DLL4: variants seen among roughly 807,000 people sequenced by gnomAD.
DLL4 encodes delta like canonical Notch ligand 4, also known as delta-like protein 4.
In DLL4, 7 loss-of-function variants were observed where a neutral mutation model predicts 73.6. The observed-to-expected ratio is 0.10, with a 90% CI of 0.05 to 0.18. DLL4 has a LOEUF of 0.18. Among genes scored for constraint, DLL4 ranks in the 10% least tolerant of loss-of-function variants. DLL4 has a pLI of 1.00. For synonymous variants in DLL4, 345 were observed against 374.3 expected (o/e 0.92, Z 0.90); for missense variants, 614 against 929.9 (o/e 0.66, Z 4.42).
Position 40,938,047 on chromosome 15 carries a change from C to A in DLL4, c.*13C>A. 6.4e-7 allele frequency: 1 copy of A among 1,569,706 alleles called. No homozygotes were observed. Among genetic ancestry groups the A allele is most frequent in the Non-Finnish European group, 8.6e-7 (1 of 1,160,366 alleles). On this transcript the variant is annotated 3_prime_UTR_variant, in exon 11 of 11. Coordinates refer to ENST00000249749, the MANE Select transcript of DLL4 (RefSeq NM_019074.4). ...CTCCCAGGTATAAGGCAGGAGCCTACCTGGACATCCCTGCTCAGCCCCGCG... is the reference window on the plus strand; with the variant it reads ...CTCCCAGGTATAAGGCAGGAGCCTAACTGGACATCCCTGCTCAGCCCCGCG...
In DLL4 at chr15:40,932,359, C is replaced by T. The variant is rs76686366; in HGVS notation, c.762C>T (p.Ile254=). 293 of 1,613,988 alleles carry T rather than the reference C, an allele frequency of 1.8e-4. No individual in the cohort carries two copies. In the African/African-American group the frequency reaches 3.6e-3, roughly 20 times the overall value. Residue 254 remains isoleucine (I), a synonymous_variant, in exon 6 of 11, where the codon ATC becomes ATT. Transcript: ENST00000249749. ...GWQGRLCNEC[I]PHNGCRHGTC... The stretch of plus-strand genomic sequence containing the variant: ...AGGGCCGGCTGTGTAACGAATGCAT[C>T]CCCCACAATGGCTGTCGCCACGGCA...
Position 40,934,065 on chromosome 15 carries a change from C to T in DLL4, c.851-483C>T, listed in dbSNP as rs560093735. Reference sequence around the variant, plus strand: ...AAGAAACATGATTTTAGGCTGGGTGCGATGGCCTGTAATCCCAGCACTTTG... The same window carrying T: ...AAGAAACATGATTTTAGGCTGGGTGTGATGGCCTGTAATCCCAGCACTTTG... On this transcript the variant is annotated intron_variant, in intron 6 of 10. Coordinates refer to ENST00000249749, the MANE Select transcript of DLL4 (RefSeq NM_019074.4). Among the ~76,000 whole-genome samples the T allele has an allele frequency of 2.8e-5, 4 of 143,994 alleles. No individual in the cohort carries two copies. The East Asian group carries it at 8.1e-4, about 29-fold the overall frequency. The allele number at this position is 143,994 out of a possible 152,430, so 94.5% of individuals were successfully genotyped here.
Position 40,930,837 on chromosome 15 carries a change from C to T in DLL4, c.394+155C>T, listed in dbSNP as rs1238753175. 1 of 740,152 alleles carries T rather than the reference C, an allele frequency of 1.4e-6. No individual in the cohort carries two copies. The highest frequency in any genetic ancestry group is 2.2e-6 in the Non-Finnish European group (1 of 449,498). 45.8% of individuals were successfully genotyped at this position (740,152 alleles called of 1,614,324 possible). On this transcript the variant is annotated intron_variant, in intron 3 of 10. Coordinates refer to ENST00000249749, the MANE Select transcript of DLL4 (RefSeq NM_019074.4). This position sits in a 1 kb window ranked among gnomAD's most constrained non-coding sequence, Gnocchi z 5.7. ...CCCCGCGCTGGACGCTCGGATTCCG[C>T]TCGCTGCCTGGACTCAGAGCACAAT... is the stretch of plus-strand genomic sequence containing the variant.
At chr15:40,935,895 ATGGGGAAAC>A (rs1005512511) in intron 8 of DLL4, among the ~76,000 whole-genome samples, 3 of 152,216 alleles carry the variant, frequency 2.0e-5, no homozygotes, top group African/African-American at 7.2e-5. Context: ...AGTCTAACAA[ATGGGGAAAC>A]TGAGGCTTAG....
At position 40,930,827 on chromosome 15, in the gene DLL4, T is replaced by C. The variant is rs1480528089; in HGVS notation, c.394+145T>C. The C allele has an allele frequency of 6.3e-6, 5 of 799,476 alleles. No individual in the cohort carries two copies. Among genetic ancestry groups the C allele is most frequent in the Non-Finnish European group, 1.0e-5 (5 of 499,652 alleles). 49.5% of individuals were successfully genotyped at this position (799,476 alleles called of 1,614,324 possible). A position where few individuals can be genotyped will look rare whatever the true frequency, so the allele number is the denominator to read the frequency against. The stretch of plus-strand genomic sequence containing the variant: ...TGGAGCTGCGCCCCGCGCTGGACGC[T>C]CGGATTCCGCTCGCTGCCTGGACTC... On this transcript the variant is annotated intron_variant, in intron 3 of 10. Transcript: ENST00000249749. This position sits in a 1 kb window ranked among gnomAD's most constrained non-coding sequence, Gnocchi z 5.7.
chr15:40,931,881 C>A, intron 4 of DLL4, 115 bp downstream of exon 4: 2 of 1,365,992 alleles, frequency 1.5e-6, no homozygotes, highest in Non-Finnish European at 2.0e-6. Flanking sequence ...CTCCTACTAG[C>A]TGGGCCTCAG....
At position 40,930,817 on chromosome 15, in the gene DLL4, C is replaced by T; in HGVS notation, c.394+135C>T. 2.3e-6 allele frequency: 2 copies of T among 871,358 alleles called. No homozygotes were observed. Among genetic ancestry groups the T allele is most frequent in the South Asian group, 3.3e-5 (2 of 61,130 alleles). 54.0% of individuals were successfully genotyped at this position (871,358 alleles called of 1,614,324 possible). ...TAGCTTGGCCTGGAGCTGCGCCCCG[C>T]GCTGGACGCTCGGATTCCGCTCGCT... On this transcript the variant is annotated intron_variant, in intron 3 of 10. Coordinates refer to ENST00000249749, the MANE Select transcript of DLL4 (RefSeq NM_019074.4). This position sits in a 1 kb window ranked among gnomAD's most constrained non-coding sequence, Gnocchi z 5.7.
rs781059377 is a variant in DLL4 at position 40,934,698 on chromosome 15, G to T, written c.1001G>T (p.Arg334Leu). 3.7e-6 allele frequency: 6 copies of T among 1,613,474 alleles called. No homozygotes were observed. Among genetic ancestry groups the T allele is most frequent in the African/African-American group, 1.3e-5 (1 of 74,884 alleles). The change falls in exon 7 of 11, where the codon CGC (arginine) becomes CTC (leucine). Residue 334 changes from arginine to leucine, a missense_variant. Physicochemically the swap from Arg to Leu is moderately radical, Grantham distance 102 (BLOSUM62 -2). Around this residue, in one of 3 missense-constraint regions of DLL4, gnomAD observed 386 missense variants for 541.3 expected, o/e 0.71. Transcript: ENST00000249749. ...ELSECDSNPC[R>L]NGGSCKDQED... ...AGCGAGTGTGACAGCAACCCCTGTCGCAATGGAGGCAGCTGTAAGGTGAGG... is the reference window on the plus strand; with the variant it reads ...AGCGAGTGTGACAGCAACCCCTGTCTCAATGGAGGCAGCTGTAAGGTGAGG...
Position 40,930,775 on chromosome 15 carries a change from G to T in DLL4, c.394+93G>T, listed in dbSNP as rs1660688055. Reference sequence around the variant, plus strand: ...AGGCGGGGGAAGTGCGGGCTTGGGGGTGGGAGGCAGGACGCTTAGCTTGGC... The same window carrying T: ...AGGCGGGGGAAGTGCGGGCTTGGGGTTGGGAGGCAGGACGCTTAGCTTGGC... On this transcript the variant is annotated intron_variant, in intron 3 of 10. Transcript: ENST00000249749. The surrounding 1 kb of genome is among the most constrained non-coding windows in gnomAD (Gnocchi z 5.7). 2 of 1,324,724 alleles carry T rather than the reference G, an allele frequency of 1.5e-6. No individual in the cohort carries two copies. Among genetic ancestry groups the T allele is most frequent in the Non-Finnish European group, 2.1e-6 (2 of 941,994 alleles). The allele number at this position is 1,324,724 out of a possible 1,614,324, so 82.1% of individuals were successfully genotyped here. A position where few individuals can be genotyped will look rare whatever the true frequency, so the allele number is the denominator to read the frequency against.
At position 40,938,215 on chromosome 15, in the gene DLL4, C is replaced by T. The variant is rs1271902489; in HGVS notation, c.*181C>T. ...CCAAGAGATGCAATACCCTTCCACA[C>T]CTTTGGGTGTCTGTCTGGCATCAGA... On this transcript the variant is annotated 3_prime_UTR_variant, in exon 11 of 11. Coordinates refer to ENST00000249749, the MANE Select transcript of DLL4 (RefSeq NM_019074.4). 6 of 546,702 alleles carry T rather than the reference C, an allele frequency of 1.1e-5. No homozygotes were observed. Among genetic ancestry groups the T allele is most frequent in the Non-Finnish European group, 8.9e-6 (3 of 335,500 alleles). The allele number at this position is 546,702 out of a possible 1,614,324, so 33.9% of individuals were successfully genotyped here. A position where few individuals can be genotyped will look rare whatever the true frequency, so the allele number is the denominator to read the frequency against.
At chr15:40,935,737 T>C (rs910819968) in intron 8 of DLL4, among the ~76,000 whole-genome samples, 1 of 152,212 alleles carries the variant, frequency 6.6e-6, no homozygotes, top group Non-Finnish European at 1.5e-5. Flanking sequence ...GAAACTATAA[T>C]ACCTGTCCTC....
chr15:40,933,895 A>G (rs1892804671), intron 6 of DLL4, among the ~76,000 whole-genome samples: 2 of 152,006 alleles, frequency 1.3e-5, no homozygotes, highest in South Asian at 4.2e-4. Context: ...GTGTGGTGGC[A>G]GGCACCTGTA....
In DLL4 at chr15:40,930,220, C is replaced by T; in HGVS notation, c.336+104C>T. Reference sequence around the variant, plus strand: ...ATTTCCTTGTACACACACCCCCACCCCCAAAAAGCCCAGGATGCATTCTTT... The same window carrying T: ...ATTTCCTTGTACACACACCCCCACCTCCAAAAAGCCCAGGATGCATTCTTT... On this transcript the variant is annotated intron_variant, in intron 2 of 10. Coordinates refer to ENST00000249749, the MANE Select transcript of DLL4 (RefSeq NM_019074.4). This position sits in a 1 kb window ranked among gnomAD's most constrained non-coding sequence, Gnocchi z 5.7. The T allele has an allele frequency of 1.5e-6, 2 of 1,365,754 alleles. No homozygotes were observed. The highest frequency in any genetic ancestry group is 9.9e-7 in the Non-Finnish European group (1 of 1,007,974). The allele number at this position is 1,365,754 out of a possible 1,614,324, so 84.6% of individuals were successfully genotyped here.
At chr15:40,933,037 C>A (rs1049064562) in intron 6 of DLL4, among the ~76,000 whole-genome samples, 2 of 152,250 alleles carry the variant, frequency 1.3e-5, no homozygotes. Flanking sequence ...TCTGGCTATA[C>A]AGGGGCCTTT....
chr15:40,930,767 G>T lies in DLL4; in HGVS notation c.394+85G>T, dbSNP rs910787607. ...TCTGTTCTAGGCGGGGGAAGTGCGGGCTTGGGGGTGGGAGGCAGGACGCTT... is the reference window on the plus strand; with the variant it reads ...TCTGTTCTAGGCGGGGGAAGTGCGGTCTTGGGGGTGGGAGGCAGGACGCTT... On this transcript the variant is annotated intron_variant, in intron 3 of 10. Transcript: ENST00000249749. The surrounding 1 kb of genome is among the most constrained non-coding windows in gnomAD (Gnocchi z 5.7). The T allele has an allele frequency of 2.1e-5, 29 of 1,409,110 alleles. No homozygotes were observed. The highest frequency in any genetic ancestry group is 9.9e-7 in the Non-Finnish European group (1 of 1,014,928). 87.3% of individuals were successfully genotyped at this position (1,409,110 alleles called of 1,614,324 possible).
At position 40,930,550 on chromosome 15, in the gene DLL4, G is replaced by A; in HGVS notation, c.337-75G>A. 3.3e-6 allele frequency: 4 copies of A among 1,215,988 alleles called. No individual in the cohort carries two copies. The highest frequency in any genetic ancestry group is 3.6e-6 in the Non-Finnish European group (3 of 829,958). The allele number at this position is 1,215,988 out of a possible 1,614,324, so 75.3% of individuals were successfully genotyped here. On this transcript the variant is annotated intron_variant, in intron 2 of 10. Transcript: ENST00000249749. The surrounding 1 kb of genome is among the most constrained non-coding windows in gnomAD (Gnocchi z 5.7). ...TCCTGCAATTAGATTAATTAAACAGGCTGCCGCAAGGCACCCCCACCTCTC... is the reference window on the plus strand; with the variant it reads ...TCCTGCAATTAGATTAATTAAACAGACTGCCGCAAGGCACCCCCACCTCTC...
intron 7 of DLL4, 38 bp downstream of exon 7, chr15:40,934,755 G>A: frequency 6.2e-7 from 1 of 1,602,958 alleles, no homozygotes; most frequent in South Asian, 1.1e-5. Context: ...AGAGGTGTCA[G>A]GTGGTGTCTG....
intron 6 of DLL4, among the ~76,000 whole-genome samples, 164 bp from the exon 7 acceptor site, chr15:40,934,380 GAGAA>G (rs1366630341): frequency 6.6e-6 from 1 of 151,512 alleles, no homozygotes; most frequent in African/African-American, 2.4e-5. Flanking sequence ...AAGAAAGAAA[GAGAA>G]AGAAAAAAGA....
In DLL4 at chr15:40,934,712, T is replaced by C; in HGVS notation, c.1015T>C (p.Cys339Arg). Residue 339 changes from cysteine (C) to arginine (R), a missense_variant, in exon 7 of 11, where the codon TGT (cysteine) becomes CGT (arginine). Coordinates refer to ENST00000249749, the MANE Select transcript of DLL4 (RefSeq NM_019074.4). ...CAACCCCTGTCGCAATGGAGGCAGC[T>C]GTAAGGTGAGGCCCAGACCAGCGCA... ...DSNPCRNGGS[C>R]KDQEDGYHCL... 6.2e-7 allele frequency: 1 copy of C among 1,613,610 alleles called. No homozygotes were observed. The highest frequency in any genetic ancestry group is 8.5e-7 in the Non-Finnish European group (1 of 1,179,698).
Sources: allele counts gnomAD v4.1 joint callset (sites outside exome capture counted in the v4.1 genomes callset), GRCh38; gene constraint gnomAD v4.1.1; regional missense constraint gnomAD v4.1.1; non-coding constraint Gnocchi (gnomAD v3.1); transcripts MANE v1.5; gene names NCBI Gene and HGNC (gene_info 2026-07-23, HGNC 2026-07-21).